Variants in ASH2L observed in about 807,000 individuals in gnomAD.
The protein encoded by ASH2L is set1/Ash2 histone methyltransferase complex subunit ASH2.
A neutral mutation model predicts 81.1 loss-of-function variants in ASH2L; 30 were observed. The ratio of observed to expected loss-of-function variants is 0.37; its 90% CI spans 0.28 to 0.50. ASH2L has a LOEUF of 0.50. Ranked by LOEUF, ASH2L falls within the 20% of genes least tolerant of loss-of-function variation. The pLI, the probability that ASH2L is intolerant of heterozygous loss-of-function variation, is 0.95. For synonymous variants in ASH2L, 273 were observed against 279.9 expected (o/e 0.98, Z 0.24); for missense variants, 559 against 792.1 (o/e 0.71, Z 3.53).
At chr8:38,111,584 C>T (rs943609525) in intron 5 of ASH2L, among the ~76,000 whole-genome samples, 6 of 151,398 alleles carry the variant, frequency 4.0e-5, no homozygotes, top group Admixed American at 6.6e-5. Flanking sequence ...GACAGGGTTT[C>T]GCCACGTTGC....
chr8:38,110,491 T>A, intron 4 of ASH2L, 24 bp downstream of exon 4: 2 of 1,590,334 alleles, frequency 1.3e-6, no homozygotes, highest in Non-Finnish European at 1.7e-6. Flanking sequence ...CTGGAGTATT[T>A]GAAGATGATT....
At chr8:38,107,418 C>CA (rs576723211) in intron 3 of ASH2L, among the ~76,000 whole-genome samples, 68 of 148,318 alleles carry the variant, frequency 4.6e-4, no homozygotes, top group South Asian at 1.1e-3. Flanking sequence ...GGTTTGGAGA[C>CA]AAAAAAAAAT....
intron 10 of ASH2L, among the ~76,000 whole-genome samples, chr8:38,124,951 C>T (rs931188562): frequency 2.0e-5 from 3 of 152,164 alleles, no homozygotes; most frequent in Non-Finnish European, 4.4e-5. Context: ...GCGGAGCAGG[C>T]GTTAGATGGC....
chr8:38,121,473 A>G (rs958726161), intron 10 of ASH2L, among the ~76,000 whole-genome samples: 2 of 151,160 alleles, frequency 1.3e-5, no homozygotes, highest in African/African-American at 4.9e-5. Context: ...TCCTAATGAT[A>G]ATATCTTAGA....
chr8:38,121,881 A>G (rs1465215698), intron 10 of ASH2L, among the ~76,000 whole-genome samples: 5 of 152,166 alleles, frequency 3.3e-5, no homozygotes, highest in Admixed American at 1.3e-4. Context: ...TCTCCACTGT[A>G]AAAAACTACC....
intron 8 of ASH2L, 89 bp downstream of exon 8, chr8:38,116,814 T>A: frequency 9.4e-7 from 1 of 1,065,860 alleles, no homozygotes; most frequent in Non-Finnish European, 1.4e-6. Context: ...GGTTGACCCT[T>A]AACCTGGATA....
intron 10 of ASH2L, chr8:38,123,428 A>G (rs1210842898): frequency 6.6e-6 from 1 of 152,218 alleles, no homozygotes; most frequent in Non-Finnish European, 1.5e-5. Flanking sequence ...TACTAAGTAG[A>G]TTATAGCATT....
rs1032426924 is a variant in ASH2L, at chr8:38,105,977, C to T, written c.188+239C>T. On this transcript the variant is annotated intron_variant, in intron 1 of 15. Transcript: ENST00000343823. ...CTGTCGTTATCTCTGATCCTTGCAC[C>T]CTGGCAGGAAGCTGGTAGCTCACAC... The T allele has an allele frequency of 4.6e-6, 7 of 1,529,122 alleles. No individual in the cohort carries two copies. The African/African-American group carries it at 8.2e-5, about 18-fold the overall frequency. The allele number at this position is 1,529,122 out of a possible 1,614,324, so 94.7% of individuals were successfully genotyped here.
intron 10 of ASH2L, among the ~76,000 whole-genome samples, chr8:38,121,376 T>C (rs996849643): frequency 1.5e-5 from 2 of 135,102 alleles, no homozygotes; most frequent in Admixed American, 7.6e-5. Context: ...TATATATATA[T>C]ATGGTTTTTT....
chr8:38,118,133 A>G (rs1200275689), intron 8 of ASH2L, among the ~76,000 whole-genome samples: 2 of 152,238 alleles, frequency 1.3e-5, no homozygotes, highest in African/African-American at 4.8e-5. Context: ...GCAGTTTAAC[A>G]TTAAACTTTT....
intron 10 of ASH2L, among the ~76,000 whole-genome samples, chr8:38,126,019 C>T (rs1801829938): frequency 6.6e-6 from 1 of 152,022 alleles, no homozygotes; most frequent in Non-Finnish European, 1.5e-5. Flanking sequence ...GCCTGGTCAA[C>T]ATGGTGAAAC....
intron 3 of ASH2L, among the ~76,000 whole-genome samples, chr8:38,109,515 ACTC>A (rs1278651650): frequency 6.6e-6 from 1 of 151,962 alleles, no homozygotes; most frequent in Non-Finnish European, 1.5e-5. Context: ...GCAAGACTAA[ACTC>A]CTGTGCTTTT....
In ASH2L at chr8:38,128,295, C is replaced by A; in HGVS notation, c.1170C>A (p.Pro390=). 1.2e-6 allele frequency: 2 copies of A among 1,614,068 alleles called. No individual in the cohort carries two copies. The highest frequency in any genetic ancestry group is 1.7e-6 in the Non-Finnish European group (2 of 1,180,028). Residue 390 remains proline (P), a synonymous_variant, in exon 11 of 16, where the codon CCC becomes CCA. Transcript: ENST00000343823. ...TTTTAATCTCTGTCACCGCAGCTCC[C>A]CAGTTAAAGATCTCAGATGACCGGC... is the stretch of plus-strand genomic sequence containing the variant. ...RVLLALHDRA[P]QLKISDDRLT...
intron 1 of ASH2L, 195 bp from the exon 2 acceptor site, chr8:38,106,183 T>C: frequency 6.6e-7 from 1 of 1,518,692 alleles, no homozygotes; most frequent in Non-Finnish European, 8.9e-7. Context: ...CTGTGCTCCG[T>C]GGGTCCGCGA....
rs1170017825 is a variant in ASH2L, at chr8:38,105,540, G to C, written c.-11G>C. On this transcript the variant is annotated 5_prime_UTR_variant, in exon 1 of 16. Coordinates refer to ENST00000343823, the MANE Select transcript of ASH2L (RefSeq NM_004674.5). ...GAGAGTATTCTCGCGAGAAGTCCAG[G>C]GGTGGCCGTGATGGCGGCGGCAGGA... 3 of 1,554,830 alleles carry C rather than the reference G, an allele frequency of 1.9e-6. No homozygotes were observed. Among genetic ancestry groups the C allele is most frequent in the African/African-American group, 1.4e-5 (1 of 72,564 alleles).
chr8:38,136,740 T>C (rs1802270159), intron 14 of ASH2L, among the ~76,000 whole-genome samples: 1 of 144,354 alleles, frequency 6.9e-6, no homozygotes, highest in Admixed American at 7.1e-5. Flanking sequence ...GTGCCACTAC[T>C]CCAGCCTGGG....
At chr8:38,110,557 A>C (rs1810640812) in intron 4 of ASH2L, 90 bp downstream of exon 4, 1 of 1,320,098 alleles carries the variant, frequency 7.6e-7, no homozygotes, top group South Asian at 1.2e-5. Context: ...ACCTTTGCCT[A>C]GTAGCTGGTA....
intron 13 of ASH2L, 49 bp from the exon 14 acceptor site, chr8:38,135,619 G>T (rs759020194): frequency 7.2e-6 from 10 of 1,397,064 alleles, no homozygotes; most frequent in Admixed American, 5.9e-5. Flanking sequence ...TTCTTTTTTT[G>T]TTTGTTCTTT....
intron 10 of ASH2L, among the ~76,000 whole-genome samples, 184 bp downstream of exon 10, chr8:38,121,333 T>TTATTTATATATATATA (rs1230317862): frequency 5.0e-5 from 3 of 59,666 alleles, no homozygotes; most frequent in Non-Finnish European, 1.0e-4. Context: ...GCCGTTTTAT[T>TTATTTATATATATATA]TATATATATA....
Sources: gnomAD v4.1 joint callset for allele counts (sites outside exome capture counted in the v4.1 genomes callset) on GRCh38, gnomAD v4.1.1 for gene constraint, MANE v1.5 for transcripts, NCBI Gene and HGNC (gene_info 2026-07-23, HGNC 2026-07-21) for gene names.